ZNF500: variants seen among roughly 807,000 people sequenced by gnomAD.
ZNF500 encodes zinc finger protein 500, also known as zinc finger protein with KRAB and SCAN domains 18.
In ZNF500, 31 loss-of-function variants were observed where a neutral mutation model predicts 30.1. The ratio of observed to expected loss-of-function variants is 1.03; its 90% confidence interval spans 0.77 to 1.39. ZNF500 has a LOEUF of 1.39. Among genes scored for constraint, ZNF500 ranks in the 40% most tolerant of loss-of-function variants. The pLI, the probability that ZNF500 is intolerant of heterozygous loss-of-function variation, is 0.00. For missense variants in ZNF500, 817 were observed against 657.8 expected (o/e 1.24, Z -2.65); for synonymous variants, 392 against 282.0 (o/e 1.39, Z -3.91).
At chr16:4,746,657 A>G (rs745955203), downstream of ZNF500, 13 of 1,176,652 alleles carry the variant, frequency 1.1e-5, no homozygotes, top group East Asian at 2.6e-5. Flanking sequence ...GTGCTGGCCT[A>G]CAGTCCCCCT....
At chr16:4,746,638 A>T (rs1041286528), downstream of ZNF500, 4 of 1,280,094 alleles carry the variant, frequency 3.1e-6, no homozygotes, top group African/African-American at 6.0e-5. Flanking sequence ...ATCAATTCTC[A>T]ATTGAAAAGT....
At chr16:4,744,403 G>T (rs1022344520), downstream of ZNF500, among the ~76,000 whole-genome samples, 9 of 152,150 alleles carry the variant, frequency 5.9e-5, no homozygotes, top group African/African-American at 2.2e-4. Flanking sequence ...GAGGAGTCCA[G>T]CTAGATCGTT....
intron 4 of ZNF500, among the ~76,000 whole-genome samples, chr16:4,761,703 A>AC (rs1180323063): frequency 6.6e-6 from 1 of 151,182 alleles, no homozygotes; most frequent in Non-Finnish European, 1.5e-5. Context: ...CAAAAAAAAA[A>AC]CAACTAGCCG....
chr16:4,765,774 TCAGGG>T lies in ZNF500; in HGVS notation c.200_204del (p.Ala67GlufsTer51). ...CGGCAGCACAGCTCCCAGAGGCGGC[TCAGGG>T]CCTCCCGGGGCCCAGCCACCTCCTG... On this transcript the variant is annotated frameshift_variant, in exon 2 of 6. Coordinates refer to ENST00000219478, the MANE Select transcript of ZNF500 (RefSeq NM_021646.4). LOFTEE classifies it high-confidence loss of function. 6.2e-7 allele frequency: 1 copy of T among 1,612,900 alleles called. No individual in the cohort carries two copies. Among genetic ancestry groups the T allele is most frequent in the East Asian group, 2.2e-5 (1 of 44,878 alleles).
At chr16:4,760,378 C>T (rs2082184403) in intron 5 of ZNF500, 114 bp downstream of exon 5, 2 of 948,788 alleles carry the variant, frequency 2.1e-6, no homozygotes, top group African/African-American at 1.6e-5. Context: ...GTAGCCCTGT[C>T]CACGGAGGAT....
rs1392460240 is a variant in ZNF500 at position 4,765,990 on chromosome 16, G to A, written c.-12C>T. ...GGGACAGTGGCCATTGCTTCCGGTG[G>A]GCCTTGTTCCTTTTCAGGCCTTAGA... On this transcript the variant is annotated 5_prime_UTR_variant, in exon 2 of 6. Transcript: ENST00000219478. The A allele has an allele frequency of 1.3e-6, 2 of 1,535,866 alleles. No homozygotes were observed. Among genetic ancestry groups the A allele is most frequent in the East Asian group, 2.3e-5 (1 of 44,364 alleles).
chr16:4,745,901 C>A (rs1381620843), downstream of ZNF500, among the ~76,000 whole-genome samples: 1 of 143,376 alleles, frequency 7.0e-6, no homozygotes, highest in Non-Finnish European at 1.5e-5. Flanking sequence ...TTGCAGTGAC[C>A]AAGATCATGC....
At position 4,765,539 on chromosome 16, in the gene ZNF500, C is replaced by G. The variant is rs769841663; in HGVS notation, c.414+26G>C. ...CAGCAGCAGGGCCCCATTTCCTCAC[C>G]TGAGGGTCAAAATGCCCCCACTCAC... On this transcript the variant is annotated intron_variant, in intron 2 of 5. Transcript: ENST00000219478. 3.8e-6 allele frequency: 6 copies of G among 1,560,062 alleles called. 1 individual carries two copies. The Admixed American group carries it at 1.1e-4, about 29-fold the overall frequency.
In ZNF500 at chr16:4,751,433, T is replaced by A; in HGVS notation, c.*943A>T. ...CATCCCAGGCAACATGTCAGGAAGATGGAACTCAGGGGTGCTTTCCCGCCC... is the reference window on the plus strand; with the variant it reads ...CATCCCAGGCAACATGTCAGGAAGAAGGAACTCAGGGGTGCTTTCCCGCCC... On this transcript the variant is annotated 3_prime_UTR_variant, in exon 6 of 6. Coordinates refer to ENST00000219478, the MANE Select transcript of ZNF500 (RefSeq NM_021646.4). The A allele has an allele frequency of 1.4e-6, 1 of 738,602 alleles. No individual in the cohort carries two copies. Among genetic ancestry groups the A allele is most frequent in the Admixed American group, 3.0e-5 (1 of 32,912 alleles). 45.8% of individuals were successfully genotyped at this position (738,602 alleles called of 1,614,324 possible).
chr16:4,746,067 G>C (rs1224489803), downstream of ZNF500: 2 of 269,014 alleles, frequency 7.4e-6, no homozygotes, highest in Non-Finnish European at 1.4e-5. Context: ...TGTGACTGAG[G>C]AACTGAATGT....
chr16:4,746,293 C>T (rs2142213468), downstream of ZNF500: 1 of 1,426,100 alleles, frequency 7.0e-7, no homozygotes, highest in East Asian at 2.3e-5. Flanking sequence ...CAGCCACGAG[C>T]ACTGTGACTG....
chr16:4,762,787 TC>T, intron 2 of ZNF500, 31 bp from the exon 3 acceptor site: 1 of 1,544,490 alleles, frequency 6.5e-7, no homozygotes, highest in Non-Finnish European at 8.8e-7. Flanking sequence ...CCCCACCAGC[TC>T]CCAGAAGGCC....
At chr16:4,747,173 C>T, downstream of ZNF500, 1 of 1,200,608 alleles carries the variant, frequency 8.3e-7, no homozygotes, top group Non-Finnish European at 1.2e-6. Flanking sequence ...TTTCATCATC[C>T]TGCCCACGTC....
At chr16:4,755,851 T>C (rs1350618417) in intron 5 of ZNF500, among the ~76,000 whole-genome samples, 1 of 152,182 alleles carries the variant, frequency 6.6e-6, no homozygotes, top group African/African-American at 2.4e-5. Flanking sequence ...GGTCTATCCA[T>C]ACAGTGGAAT....
rs1596491042 is a variant in ZNF500 at position 4,749,340 on chromosome 16, G to C, written c.*3036C>G. On this transcript the variant is annotated 3_prime_UTR_variant, in exon 6 of 6. Transcript: ENST00000219478. ...CATTTCTCCCACCTTTTTAATGCCA[G>C]TAACCTCACTGAGAATGTTTTACAG... is the stretch of plus-strand genomic sequence containing the variant. 1 of 154,402 alleles carries C rather than the reference G, an allele frequency of 6.5e-6. No homozygotes were observed. The highest frequency in any genetic ancestry group is 1.9e-4 in the East Asian group (1 of 5,200). 9.6% of individuals were successfully genotyped at this position (154,402 alleles called of 1,614,324 possible).
rs550897780 is a variant in ZNF500 at position 4,754,574 on chromosome 16, G to A, written c.761-1516C>T. Reference sequence around the variant, plus strand: ...AGCTACTTGGGAGGCTGAGGCAGGAGAATCGCTTGAACTCGGGAGGCAGAA... The same window carrying A: ...AGCTACTTGGGAGGCTGAGGCAGGAAAATCGCTTGAACTCGGGAGGCAGAA... On this transcript the variant is annotated intron_variant, in intron 5 of 5. Transcript: ENST00000219478. Among the ~76,000 whole-genome samples the A allele has an allele frequency of 5.3e-5, 8 of 151,628 alleles. No homozygotes were observed. In the South Asian group the frequency reaches 1.0e-3, roughly 20 times the overall value.
chr16:4,763,232 T>A (rs1044235664), intron 2 of ZNF500: 2 of 567,970 alleles, frequency 3.5e-6, no homozygotes, highest in Non-Finnish European at 4.5e-6. Context: ...ACCCCATCTC[T>A]ACTAAAAATA....
In ZNF500 at chr16:4,765,574, G is replaced by C; in HGVS notation, c.405C>G (p.His135Gln). ...AAATGCCCCCACTCACCCGCTGCCT[G>C]TGTTTCCTGGGCTTCCGCTGCAGCC... ...VEGLQRKPRKHRQRGSELLSD... is the reference protein window; with the variant it reads ...VEGLQRKPRKQRQRGSELLSD... Residue 135 changes from histidine (H) to glutamine (Q), a missense_variant, in exon 2 of 6, where the codon CAC becomes CAG. Transcript: ENST00000219478. The C allele has an allele frequency of 6.3e-7, 1 of 1,596,264 alleles. No individual in the cohort carries two copies. The highest frequency in any genetic ancestry group is 8.6e-7 in the Non-Finnish European group (1 of 1,169,514).
rs893459484 is a variant in ZNF500, at chr16:4,748,570, C to T, written c.*3806G>A. On this transcript the variant is annotated 3_prime_UTR_variant, in exon 6 of 6. Transcript: ENST00000219478. The stretch of plus-strand genomic sequence containing the variant: ...CTGGGGACATCTGCTTGCCCCCTGC[C>T]AAGACCCGGCCCCTCCACAGGACAA... 1 of 152,286 alleles carries T rather than the reference C, an allele frequency of 6.6e-6. No homozygotes were observed. Among genetic ancestry groups the T allele is most frequent in the African/African-American group, 2.4e-5 (1 of 41,456 alleles). The allele number at this position is 152,286 out of a possible 1,614,324, so 9.4% of individuals were successfully genotyped here.
Sources: allele counts gnomAD v4.1 joint callset (sites outside exome capture counted in the v4.1 genomes callset), GRCh38; gene constraint gnomAD v4.1.1; transcripts MANE v1.5; gene names NCBI Gene and HGNC (gene_info 2026-07-23, HGNC 2026-07-21).